Variants in IGF2BP1 observed in about 807,000 individuals in gnomAD.
IGF2BP1 encodes the protein insulin like growth factor 2 mRNA binding protein 1.
Under a neutral mutation model 74.9 loss-of-function variants are expected in IGF2BP1, and 11 were observed. The observed-to-expected ratio is 0.15, with a 90% CI of 0.09 to 0.24. The LOEUF (loss-of-function observed/expected upper bound fraction) is 0.24. Ranked by LOEUF, IGF2BP1 falls within the 10% of genes least tolerant of loss-of-function variation. The pLI is 1.00. For synonymous variants in IGF2BP1, 287 were observed against 281.8 expected (o/e 1.02, Z -0.18); for missense variants, 440 against 757.4 (o/e 0.58, Z 4.92).
intron 2 of IGF2BP1, among the ~76,000 whole-genome samples, chr17:49,014,419 T>C (rs1043870652): frequency 4.0e-5 from 6 of 151,294 alleles, no homozygotes; most frequent in African/African-American, 1.5e-4. Context: ...CTCTTGGCCG[T>C]CCCCTCCTCC....
chr17:49,042,357 A>T lies in IGF2BP1; in HGVS notation c.1057A>T (p.Asn353Tyr). 6.2e-7 allele frequency: 1 copy of T among 1,613,940 alleles called. No homozygotes were observed. The highest frequency in any genetic ancestry group is 8.5e-7 in the Non-Finnish European group (1 of 1,179,990). Residue 353 changes from asparagine to tyrosine, a missense_variant, in exon 9 of 15, where the codon AAT (asparagine) becomes TAT (tyrosine). By Grantham distance (143) the Asn-to-Tyr change is moderately radical. Coordinates refer to ENST00000290341, the MANE Select transcript of IGF2BP1 (RefSeq NM_006546.4). ...IMKKVREAYE[N>Y]DVAAMSLQSH... ...GAAGAAAGTTCGGGAGGCCTATGAG[A>T]ATGATGTGGCTGCCATGAGCGTGAG...
chr17:49,022,408 C>CCCCCG (rs1308198327), intron 2 of IGF2BP1, among the ~76,000 whole-genome samples: 56 of 152,266 alleles, frequency 3.7e-4, no homozygotes, highest in African/African-American at 1.3e-3. Flanking sequence ...GCCTCCCTGC[C>CCCCCG]CCCCGCCCCG....
At chr17:49,025,486 G>T in intron 2 of IGF2BP1, 132 bp from the exon 3 acceptor site, 3 of 804,932 alleles carry the variant, frequency 3.7e-6, no homozygotes, top group South Asian at 3.4e-5. Context: ...TGTATTCTTA[G>T]ATTTTAAGAC....
chr17:49,002,026 T>G (rs1215930795), intron 2 of IGF2BP1, among the ~76,000 whole-genome samples: 1 of 152,060 alleles, frequency 6.6e-6, no homozygotes, highest in Non-Finnish European at 1.5e-5. Flanking sequence ...TACTGTTAAT[T>G]AAGAAAAAAA....
At chr17:49,027,127 A>AT (rs2041867776) in intron 4 of IGF2BP1, among the ~76,000 whole-genome samples, 1 of 152,134 alleles carries the variant, frequency 6.6e-6, no homozygotes, top group Non-Finnish European at 1.5e-5. Flanking sequence ...AATACATTGG[A>AT]TTGGGGGCGT....
In IGF2BP1 at chr17:48,997,938, T is replaced by A; in HGVS notation, c.175+18T>A. ...TTTCTCCGGTAAGAACACAGCCACCTCCCGGAAAAGCCACAACGAGAGCCC... is the reference window on the plus strand; with the variant it reads ...TTTCTCCGGTAAGAACACAGCCACCACCCGGAAAAGCCACAACGAGAGCCC... On this transcript the variant is annotated intron_variant, in intron 1 of 14. Transcript: ENST00000290341. This position sits in a 1 kb window ranked among gnomAD's most constrained non-coding sequence, Gnocchi z 4.8. 3.7e-6 allele frequency: 6 copies of A among 1,609,740 alleles called. No homozygotes were observed. Among genetic ancestry groups the A allele is most frequent in the Non-Finnish European group, 5.1e-6 (6 of 1,177,770 alleles).
intron 2 of IGF2BP1, among the ~76,000 whole-genome samples, chr17:49,000,892 G>A (rs2041481224): frequency 6.6e-6 from 1 of 151,658 alleles, no homozygotes; most frequent in Admixed American, 6.6e-5. Context: ...CATTACTGAG[G>A]GCTCTTTTTT....
intron 2 of IGF2BP1, among the ~76,000 whole-genome samples, chr17:49,010,313 CTTTT>C (rs397857828): frequency 4.6e-4 from 49 of 105,592 alleles, no homozygotes; most frequent in Admixed American, 8.6e-4. Context: ...TGGTGGTCAT[CTTTT>C]TTTTTTTTTT....
In IGF2BP1 at chr17:49,051,487, G is replaced by C. The variant is rs1486025686; in HGVS notation, c.*2043G>C. On this transcript the variant is annotated 3_prime_UTR_variant, in exon 15 of 15. Transcript: ENST00000290341. ...AGAGCCCCAGCTGCTGGCGGCTGCTGGAATATCCTACCTGATAGGATTAAA... is the reference window on the plus strand; with the variant it reads ...AGAGCCCCAGCTGCTGGCGGCTGCTCGAATATCCTACCTGATAGGATTAAA... The C allele has an allele frequency of 6.6e-6, 1 of 152,318 alleles. No homozygotes were observed. The highest frequency in any genetic ancestry group is 1.5e-5 in the Non-Finnish European group (1 of 68,046). 9.4% of individuals were successfully genotyped at this position (152,318 alleles called of 1,614,324 possible).
intron 8 of IGF2BP1, among the ~76,000 whole-genome samples, chr17:49,041,705 G>A (rs909032792): frequency 1.3e-5 from 2 of 152,216 alleles, no homozygotes; most frequent in Non-Finnish European, 2.9e-5. Flanking sequence ...TATGGGGCAG[G>A]GGTGTTGTAA....
rs187388956 is a variant in IGF2BP1, at chr17:49,008,254, G to T, written c.236+9085G>T. ...ATATGGCTGTTGGTGGCTGCAGCCA[G>T]TGTATTCCAAACAAGGACTAGATGT... On this transcript the variant is annotated intron_variant, in intron 2 of 14. Coordinates refer to ENST00000290341, the MANE Select transcript of IGF2BP1 (RefSeq NM_006546.4). 1.5e-3 allele frequency among the ~76,000 whole-genome samples: 224 copies of T among 152,248 alleles called. 2 individuals are homozygous for T. The highest frequency in any genetic ancestry group is 5.2e-3 in the African/African-American group (217 of 41,532).
At chr17:49,013,332 TTCTC>T (rs2041645028) in intron 2 of IGF2BP1, among the ~76,000 whole-genome samples, 2 of 152,198 alleles carry the variant, frequency 1.3e-5, no homozygotes, top group South Asian at 2.1e-4. Flanking sequence ...AGAGCCTTCT[TTCTC>T]TGCGGGTTCC....
chr17:49,004,812 A>G (rs1480748803), intron 2 of IGF2BP1: 1 of 152,232 alleles, frequency 6.6e-6, no homozygotes, highest in Non-Finnish European at 1.5e-5. Flanking sequence ...AATGCCTGTC[A>G]AAACAAAAAG....
chr17:49,019,919 T>TATATATAC (rs2041759380), intron 2 of IGF2BP1, among the ~76,000 whole-genome samples: 1 of 52,986 alleles, frequency 1.9e-5, no homozygotes, highest in African/African-American at 1.3e-4. Context: ...TATATATATA[T>TATATATAC]ATATATATAT....
At chr17:49,011,916 T>G (rs2143966388) in intron 2 of IGF2BP1, among the ~76,000 whole-genome samples, 1 of 151,018 alleles carries the variant, frequency 6.6e-6, no homozygotes, top group South Asian at 2.1e-4. Context: ...TTTTTTTTTT[T>G]TTTTTTTGGG....
chr17:49,037,388 G>T lies in IGF2BP1; in HGVS notation c.402-780G>T, dbSNP rs142787836. 9.3e-4 allele frequency: 469 copies of T among 501,924 alleles called. 2 individuals are homozygous for T. The highest frequency in any genetic ancestry group is 8.5e-3 in the African/African-American group (428 of 50,156). 31.1% of individuals were successfully genotyped at this position (501,924 alleles called of 1,614,324 possible). A position where few individuals can be genotyped will look rare whatever the true frequency, so the allele number is the denominator to read the frequency against. On this transcript the variant is annotated intron_variant, in intron 5 of 14. Coordinates refer to ENST00000290341, the MANE Select transcript of IGF2BP1 (RefSeq NM_006546.4). Reference sequence around the variant, plus strand: ...AGGAAGGAAGAATTCAGAAAAACTGGAATTTCTACAAAGAGAAGGCTACAG... The same window carrying T: ...AGGAAGGAAGAATTCAGAAAAACTGTAATTTCTACAAAGAGAAGGCTACAG...
At position 49,052,690 on chromosome 17, in the gene IGF2BP1, G is replaced by T. The variant is rs894971799; in HGVS notation, c.*3246G>T. 2.0e-5 allele frequency: 3 copies of T among 152,480 alleles called. No individual in the cohort carries two copies. The highest frequency in any genetic ancestry group is 7.3e-5 in the African/African-American group (3 of 41,374). 9.4% of individuals were successfully genotyped at this position (152,480 alleles called of 1,614,324 possible). On this transcript the variant is annotated 3_prime_UTR_variant, in exon 15 of 15. Transcript: ENST00000290341. ...TGTGCCCCGTAGGCTAGGTCTTAGG[G>T]CAACTCCTTGCCCTCCTGCTCAGCA...
In IGF2BP1 at chr17:49,055,455, G is replaced by T; in HGVS notation, c.*6011G>T. On this transcript the variant is annotated 3_prime_UTR_variant, in exon 15 of 15. Transcript: ENST00000290341. ...CCTGTCCCCCCTCCCCTGCCAATAA[G>T]CTCCCCCAGGAATAAAGGCTTTGTT... The T allele has an allele frequency of 5.4e-6, 2 of 371,178 alleles. No homozygotes were observed. Among genetic ancestry groups the T allele is most frequent in the East Asian group, 3.7e-5 (1 of 26,742 alleles). 23.0% of individuals were successfully genotyped at this position (371,178 alleles called of 1,614,324 possible). A position where few individuals can be genotyped will look rare whatever the true frequency, so the allele number is the denominator to read the frequency against.
intron 14 of IGF2BP1, 110 bp downstream of exon 14, chr17:49,046,483 A>C: frequency 1.3e-6 from 1 of 753,380 alleles, no homozygotes; most frequent in Non-Finnish European, 2.2e-6. Flanking sequence ...CTGGGGCCTC[A>C]GCCACATCTG....
Sources: gnomAD v4.1 joint callset for allele counts (sites outside exome capture counted in the v4.1 genomes callset) on GRCh38, gnomAD v4.1.1 for gene constraint, Gnocchi (gnomAD v3.1) non-coding constraint, MANE v1.5 for transcripts, NCBI Gene and HGNC (gene_info 2026-07-23, HGNC 2026-07-21) for gene names.